SNRK: variants seen among roughly 807,000 people sequenced by gnomAD.
The protein encoded by SNRK is SNF-related serine/threonine-protein kinase.
Under a neutral mutation model 48.2 loss-of-function variants are expected in SNRK, and 3 were observed. That is an observed-to-expected ratio of 0.06 (90% CI 0.03 to 0.16). SNRK has a LOEUF of 0.16. Ranked by LOEUF, SNRK falls within the 10% of genes least tolerant of loss-of-function variation. The pLI is 1.00. For missense variants in SNRK, 627 were observed against 976.0 expected (o/e 0.64, Z 4.76); for synonymous variants, 376 against 366.1 (o/e 1.03, Z -0.31).
At chr3:43,305,480 ATTT>A (rs35255577) in intron 3 of SNRK, among the ~76,000 whole-genome samples, 14 of 132,904 alleles carry the variant, frequency 1.1e-4, no homozygotes, top group East Asian at 4.2e-4. Context: ...TTTATATACA[ATTT>A]TTTTTTTTTT....
chr3:43,300,285 G>A (rs1051786066), intron 2 of SNRK, among the ~76,000 whole-genome samples: 18 of 151,684 alleles, frequency 1.2e-4, no homozygotes, highest in African/African-American at 3.6e-4. Flanking sequence ...GAAACATTAG[G>A]GTTTAATAGT....
chr3:43,306,286 A>G (rs186910269), intron 3 of SNRK, among the ~76,000 whole-genome samples: 1 of 152,290 alleles, frequency 6.6e-6, no homozygotes, highest in East Asian at 1.9e-4. Flanking sequence ...TATCATGCCA[A>G]AATTAGTCAG....
In SNRK at chr3:43,295,764, A is replaced by G. The variant is rs147555004; in HGVS notation, c.-168-3990A>G. 2.9e-3 allele frequency among the ~76,000 whole-genome samples: 443 copies of G among 152,164 alleles called. 1 individual carries two copies. The highest frequency in any genetic ancestry group is 0.01 in the African/African-American group (427 of 41,506). ...TTACTTTTTTTTTGTTTTGAGACTGAGTCTCACTCTTTTGCTCAGGCTGGA... is the reference window on the plus strand; with the variant it reads ...TTACTTTTTTTTTGTTTTGAGACTGGGTCTCACTCTTTTGCTCAGGCTGGA... On this transcript the variant is annotated intron_variant, in intron 1 of 6. Coordinates refer to ENST00000296088, the MANE Select transcript of SNRK (RefSeq NM_017719.5).
At position 43,287,115 on chromosome 3, in the gene SNRK, C is replaced by G. The variant is rs773215311; in HGVS notation, c.-169+440C>G. ...GTGTGTTCTTTGAATGCGTTTTCCCCTTTCAGAAGACTGTAGAAATCCGGC... is the reference window on the plus strand; with the variant it reads ...GTGTGTTCTTTGAATGCGTTTTCCCGTTTCAGAAGACTGTAGAAATCCGGC... On this transcript the variant is annotated intron_variant, in intron 1 of 6. Transcript: ENST00000296088. 1.0e-3 allele frequency among the ~76,000 whole-genome samples: 152 copies of G among 151,960 alleles called. 4 individuals carry two copies. The highest frequency in any genetic ancestry group is 2.2e-4 in the Non-Finnish European group (15 of 67,916).
chr3:43,344,000 A>G (rs913358171), intron 6 of SNRK, among the ~76,000 whole-genome samples: 2 of 152,140 alleles, frequency 1.3e-5, no homozygotes, highest in African/African-American at 2.4e-5. Context: ...TAACCTCTCT[A>G]TGACTTAGCT....
chr3:43,340,450 A>G lies in SNRK; in HGVS notation c.895A>G (p.Ile299Val). 1.2e-6 allele frequency: 2 copies of G among 1,614,198 alleles called. No homozygotes were observed. The highest frequency in any genetic ancestry group is 4.5e-5 in the East Asian group (2 of 44,870). Residue 299 changes from isoleucine to valine, a missense_variant, in exon 5 of 7, where the codon ATT becomes GTT. Ile to Val is a conservative substitution (Grantham distance 29, BLOSUM62 3). This residue lies in a region of SNRK where 175 missense variants were observed against 209.7 expected (regional missense o/e 0.83). Transcript: ENST00000296088. ...NLSEEEHNSI[I>V]QRMVLGDIAD... ...CTCGGAAGAGGAGCACAACAGCATC[A>G]TTCAGCGCATGGTGCTTGGGGACAT... is the stretch of plus-strand genomic sequence containing the variant.
Position 43,348,711 on chromosome 3 carries a change from A to G in SNRK, c.*154A>G, listed in dbSNP as rs1575565738. The G allele has an allele frequency of 2.6e-6, 2 of 770,870 alleles. No individual in the cohort carries two copies. The highest frequency in any genetic ancestry group is 1.8e-5 in the African/African-American group (1 of 56,150). 47.8% of individuals were successfully genotyped at this position (770,870 alleles called of 1,614,324 possible). ...TGTTCGCCTGATGATGTGACAATGC[A>G]TGGTCTTTGTGCATGCTGCTAGACA... On this transcript the variant is annotated 3_prime_UTR_variant, in exon 7 of 7. Coordinates refer to ENST00000296088, the MANE Select transcript of SNRK (RefSeq NM_017719.5).
intron 3 of SNRK, among the ~76,000 whole-genome samples, chr3:43,311,772 C>CT (rs894001621): frequency 6.6e-6 from 1 of 152,118 alleles, no homozygotes; most frequent in Non-Finnish European, 1.5e-5. Flanking sequence ...TGTCTGGCTG[C>CT]TTGTCCTGTG....
intron 1 of SNRK, among the ~76,000 whole-genome samples, chr3:43,287,126 CTG>C (rs1479603158): frequency 3.3e-5 from 5 of 151,554 alleles, no homozygotes; most frequent in Admixed American, 3.3e-4. Flanking sequence ...TTTCAGAAGA[CTG>C]TAGAAATCCG....
intron 6 of SNRK, among the ~76,000 whole-genome samples, chr3:43,345,960 T>C (rs2091272236): frequency 6.6e-6 from 1 of 152,186 alleles, no homozygotes; most frequent in Non-Finnish European, 1.5e-5. Context: ...AATTGAGAAC[T>C]CTTAGGACTG....
chr3:43,310,819 T>A (rs2090973603), intron 3 of SNRK, among the ~76,000 whole-genome samples: 1 of 152,188 alleles, frequency 6.6e-6, no homozygotes, highest in South Asian at 2.1e-4. Flanking sequence ...GAGCATATTT[T>A]GTTTTTTTTA....
intron 3 of SNRK, among the ~76,000 whole-genome samples, chr3:43,309,107 T>C (rs578156376): frequency 7.1e-4 from 108 of 152,280 alleles, no homozygotes; most frequent in African/African-American, 2.4e-3. Flanking sequence ...TTGATAAAAC[T>C]TGAATGGATG....
At chr3:43,292,027 C>T (rs2090816214) in intron 1 of SNRK, among the ~76,000 whole-genome samples, 1 of 152,194 alleles carries the variant, frequency 6.6e-6, no homozygotes, top group Admixed American at 6.5e-5. Flanking sequence ...ACATAGATTC[C>T]TAGAAATTAA....
rs2091152606 is a variant in SNRK at position 43,332,360 on chromosome 3, G to GA, written c.731+52dup. The GA allele has an allele frequency of 2.4e-6, 3 of 1,252,080 alleles. No individual in the cohort carries two copies. In the Admixed American group the frequency reaches 9.3e-5, roughly 39 times the overall value. 77.6% of individuals were successfully genotyped at this position (1,252,080 alleles called of 1,614,324 possible). Reference sequence around the variant, plus strand: ...ACCTTAAGGACTCAGATTAAAACCAGAAGTTTTAATTCCATTAATATGTCA... The same window carrying GA: ...ACCTTAAGGACTCAGATTAAAACCAGAAAGTTTTAATTCCATTAATATGTCA... On this transcript the variant is annotated intron_variant, in intron 4 of 6. Transcript: ENST00000296088.
chr3:43,308,621 T>C (rs2090955979), intron 3 of SNRK, among the ~76,000 whole-genome samples: 1 of 152,248 alleles, frequency 6.6e-6, no homozygotes, highest in African/African-American at 2.4e-5. Flanking sequence ...CCCACCATTT[T>C]AGACCTACTA....
At chr3:43,294,053 T>C (rs2090833938) in intron 1 of SNRK, among the ~76,000 whole-genome samples, 1 of 152,244 alleles carries the variant, frequency 6.6e-6, no homozygotes, top group South Asian at 2.1e-4. Context: ...CTGTTAACGT[T>C]GGGTATATTG....
intron 4 of SNRK, chr3:43,332,897 G>A (rs950188448): frequency 1.3e-5 from 2 of 152,184 alleles, no homozygotes; most frequent in African/African-American, 2.4e-5. Flanking sequence ...TATGATATGT[G>A]TAGTGAGAAA....
chr3:43,342,333 C>G (rs1438632293), intron 5 of SNRK, among the ~76,000 whole-genome samples: 1 of 152,140 alleles, frequency 6.6e-6, no homozygotes, highest in Non-Finnish European at 1.5e-5. Flanking sequence ...GAGGGTGACT[C>G]CTGAGTTCCA....
chr3:43,312,266 A>C (rs900869098), intron 3 of SNRK, among the ~76,000 whole-genome samples: 1 of 152,230 alleles, frequency 6.6e-6, no homozygotes, highest in African/African-American at 2.4e-5. Flanking sequence ...GTTTGGATTT[A>C]GATTAAGTCT....
Sources: gnomAD v4.1 joint callset for allele counts (sites outside exome capture counted in the v4.1 genomes callset) on GRCh38, gnomAD v4.1.1 for gene constraint, gnomAD v4.1.1 regional missense constraint, MANE v1.5 for transcripts, NCBI Gene and HGNC (gene_info 2026-07-23, HGNC 2026-07-21) for gene names.